SRBD1: variants seen among roughly 807,000 people sequenced by gnomAD.
The protein encoded by SRBD1 is S1 RNA binding domain 1.
Under a neutral mutation model 115.3 loss-of-function variants are expected in SRBD1, and 88 were observed. The ratio of observed to expected loss-of-function variants is 0.76; its 90% CI spans 0.64 to 0.91. The LOEUF is 0.91. Among genes scored for constraint, SRBD1 ranks in the 40% least tolerant of loss-of-function variants. SRBD1 has a pLI of 0.00. For synonymous variants in SRBD1, 509 were observed against 407.7 expected (o/e 1.25, Z -2.99); for missense variants, 1,385 against 1,177.4 (o/e 1.18, Z -2.58).
chr2:45,389,766 A>AT (rs912618446), intron 20 of SRBD1, among the ~76,000 whole-genome samples, 167 bp from the exon 21 acceptor site: 2 of 152,228 alleles, frequency 1.3e-5, no homozygotes, highest in African/African-American at 4.8e-5. Context: ...GAGAACATGC[A>AT]TATCAGTTGG....
intron 10 of SRBD1, among the ~76,000 whole-genome samples, chr2:45,559,702 G>GT (rs1672599384): frequency 6.6e-6 from 1 of 151,022 alleles, no homozygotes; most frequent in Non-Finnish European, 1.5e-5. Context: ...TGTGCTTAAA[G>GT]GAAAAAAAAA....
intron 2 of SRBD1, among the ~76,000 whole-genome samples, chr2:45,604,034 C>T (rs995262669): frequency 5.9e-5 from 9 of 152,090 alleles, no homozygotes; most frequent in Admixed American, 2.0e-4. Context: ...CAAATCCAAT[C>T]CACCACCATG....
At chr2:45,439,616 A>G (rs1021608322) in intron 16 of SRBD1, among the ~76,000 whole-genome samples, 2 of 151,954 alleles carry the variant, frequency 1.3e-5, no homozygotes, top group African/African-American at 4.8e-5. Flanking sequence ...AGGAACAAGA[A>G]ATGATCAAAA....
In SRBD1 at chr2:45,581,798, C is replaced by G; in HGVS notation, c.828G>C (p.Lys276Asn). The G allele has an allele frequency of 6.2e-7, 1 of 1,612,316 alleles. No individual in the cohort carries two copies. The change falls in exon 6 of 21, where the codon AAG (lysine) becomes AAC (asparagine). Residue 276 changes from lysine (K) to asparagine (N), a missense_variant. Physicochemically the swap from Lys to Asn is moderately conservative, Grantham distance 94. Transcript: ENST00000263736. Reference sequence around the variant, plus strand: ...TTTTCTGGATTGTACTATGAACTTTCTTTGCAACAGCCCTGAAAAGAGAAA... The same window carrying G: ...TTTTCTGGATTGTACTATGAACTTTGTTTGCAACAGCCCTGAAAAGAGAAA... Reference protein sequence around the residue: ...QTLEELRAVAKKVHSTIQKIK... With the variant: ...QTLEELRAVANKVHSTIQKIK...
At chr2:45,420,749 C>T (rs193017622) in intron 16 of SRBD1, among the ~76,000 whole-genome samples, 3 of 152,310 alleles carry the variant, frequency 2.0e-5, no homozygotes, top group East Asian at 1.9e-4. Flanking sequence ...TCCTTGATAA[C>T]GCAGCATTTC....
At chr2:45,439,552 A>T (rs918462150) in intron 16 of SRBD1, among the ~76,000 whole-genome samples, 2 of 151,918 alleles carry the variant, frequency 1.3e-5, no homozygotes, top group Admixed American at 6.6e-5. Context: ...AAGTCAACAG[A>T]ATTAAAATGA....
chr2:45,554,633 C>A lies in SRBD1; in HGVS notation c.1410-903G>T, dbSNP rs1044885035. Among the ~76,000 whole-genome samples the A allele has an allele frequency of 6.6e-5, 10 of 152,140 alleles. 1 individual carries two copies. Among genetic ancestry groups the A allele is most frequent in the African/African-American group, 2.4e-4 (10 of 41,444 alleles). On this transcript the variant is annotated intron_variant, in intron 10 of 20. Coordinates refer to ENST00000263736, the MANE Select transcript of SRBD1 (RefSeq NM_018079.5). ...CTGGGGAAAGAATAGAAGAGAAAATCACAAGCTAAAAGGACAAATGTAGCC... is the reference window on the plus strand; with the variant it reads ...CTGGGGAAAGAATAGAAGAGAAAATAACAAGCTAAAAGGACAAATGTAGCC...
intron 1 of SRBD1, among the ~76,000 whole-genome samples, chr2:45,610,446 A>T (rs1188580345): frequency 6.6e-6 from 1 of 152,240 alleles, no homozygotes. Context: ...CAGTCCCGCT[A>T]TATTCAGAAA....
intron 16 of SRBD1, among the ~76,000 whole-genome samples, chr2:45,435,734 T>C (rs1483331085): frequency 6.6e-6 from 1 of 152,118 alleles, no homozygotes; most frequent in African/African-American, 2.4e-5. Context: ...AAGTGAGCTA[T>C]TCTAGTCCTG....
In SRBD1 at chr2:45,414,813, C is replaced by CATAGTGTGT. The variant is rs1558563610; in HGVS notation, c.2334-1521_2334-1520insACACACTAT. 3.1e-4 allele frequency among the ~76,000 whole-genome samples: 11 copies of CATAGTGTGT among 35,222 alleles called. 1 individual carries two copies. The highest frequency in any genetic ancestry group is 1.1e-3 in the African/African-American group (10 of 9,226). The allele number at this position is 35,222 out of a possible 152,430, so 23.1% of individuals were successfully genotyped here. A position where few individuals can be genotyped will look rare whatever the true frequency, so the allele number is the denominator to read the frequency against. ...AGTGTGTATATAGTATGTACACACA[C>CATAGTGTGT]ATATAGTGTGTATATAGTATGTACA... On this transcript the variant is annotated intron_variant, in intron 18 of 20. Coordinates refer to ENST00000263736, the MANE Select transcript of SRBD1 (RefSeq NM_018079.5).
intron 17 of SRBD1, among the ~76,000 whole-genome samples, chr2:45,419,252 G>A (rs757632252): frequency 3.9e-5 from 6 of 152,202 alleles, no homozygotes; most frequent in Non-Finnish European, 8.8e-5. Context: ...TAGCAGACTT[G>A]TGTAATAAAT....
At chr2:45,532,670 G>A (rs1047658889) in intron 14 of SRBD1, among the ~76,000 whole-genome samples, 8 of 151,700 alleles carry the variant, frequency 5.3e-5, no homozygotes, top group African/African-American at 1.2e-4. Flanking sequence ...GAAAAGTAAT[G>A]GGAATTAAAC....
chr2:45,412,822 G>A (rs1170389755), intron 19 of SRBD1, among the ~76,000 whole-genome samples: 1 of 152,168 alleles, frequency 6.6e-6, no homozygotes, highest in Non-Finnish European at 1.5e-5. Flanking sequence ...CTAGTCAATT[G>A]TGTCTTGTTA....
chr2:45,563,955 CAGTATT>C (rs1242301459), intron 9 of SRBD1, among the ~76,000 whole-genome samples: 10 of 152,038 alleles, frequency 6.6e-5, no homozygotes, highest in African/African-American at 2.4e-4. Context: ...TCTATGAGGC[CAGTATT>C]ACTCTGATAC....
Position 45,418,347 on chromosome 2 carries a change from G to A in SRBD1, c.2333+18C>T, listed in dbSNP as rs771945905. The A allele has an allele frequency of 1.5e-5, 24 of 1,609,298 alleles. No individual in the cohort carries two copies. The highest frequency in any genetic ancestry group is 2.0e-5 in the Non-Finnish European group (24 of 1,177,578). ...AGAGGAGGTTGACAATAGAATCAAA[G>A]TGTATACTTATACTCACCTGCAAAA... On this transcript the variant is annotated intron_variant, in intron 18 of 20. Transcript: ENST00000263736.
chr2:45,437,846 A>G (rs1668546170), intron 16 of SRBD1, among the ~76,000 whole-genome samples: 2 of 152,246 alleles, frequency 1.3e-5, no homozygotes, highest in South Asian at 2.1e-4. Flanking sequence ...AAACTTGGAT[A>G]TGGCAATGAC....
chr2:45,570,556 G>C (rs1203177268), intron 9 of SRBD1, among the ~76,000 whole-genome samples: 2 of 152,120 alleles, frequency 1.3e-5, no homozygotes, highest in African/African-American at 4.8e-5. Flanking sequence ...CCTCCACAAA[G>C]GTAACTGGTA....
rs1673296347 is a variant in SRBD1, at chr2:45,579,930, C to T, written c.1017G>A (p.Leu339=). The T allele has an allele frequency of 6.2e-7, 1 of 1,609,680 alleles. No individual in the cohort carries two copies. Among genetic ancestry groups the T allele is most frequent in the African/African-American group, 1.3e-5 (1 of 74,678 alleles). The change falls in exon 7 of 21, where the codon CTG becomes CTA. Residue 339 remains leucine (L), a synonymous_variant. Transcript: ENST00000263736. ...GACTGAGCTCCCCTGGTTTCTCAAG[C>T]AGTGCCCTGGCTGCTCCTTCTAAGC... is the stretch of plus-strand genomic sequence containing the variant. ...QLGLEGAARA[L]LEKPGELSLL...
In SRBD1 at chr2:45,545,315, A is replaced by AAAAAC. The variant is rs1209226372; in HGVS notation, c.1874+1416_1874+1417insGTTTT. ...AAAAAAAAAAAAAAAAAAAAAAAAAACAGATGAACCCAGATTTGTCTGACC... is the reference window on the plus strand; with the variant it reads ...AAAAAAAAAAAAAAAAAAAAAAAAAAAAAACCAGATGAACCCAGATTTGTCTGACC... On this transcript the variant is annotated intron_variant, in intron 14 of 20. Transcript: ENST00000263736. Among the ~76,000 whole-genome samples, 98 of 123,608 alleles carry AAAAAC rather than the reference A, an allele frequency of 7.9e-4. 1 individual carries two copies. The highest frequency in any genetic ancestry group is 2.2e-3 in the African/African-American group (79 of 35,466). 81.1% of individuals were successfully genotyped at this position (123,608 alleles called of 152,430 possible). A position where few individuals can be genotyped will look rare whatever the true frequency, so the allele number is the denominator to read the frequency against.
Sources: allele counts gnomAD v4.1 joint callset (sites outside exome capture counted in the v4.1 genomes callset), GRCh38; gene constraint gnomAD v4.1.1; transcripts MANE v1.5; gene names NCBI Gene and HGNC (gene_info 2026-07-23, HGNC 2026-07-21).